The following PTPRT variants were observed in gnomAD, a reference collection of about 807,000 sequenced individuals.
PTPRT encodes the protein receptor-type tyrosine-protein phosphatase T.
A neutral mutation model predicts 176.8 loss-of-function variants in PTPRT; 56 were observed. That is an observed-to-expected ratio of 0.32 (90% CI 0.26 to 0.40). The LOEUF is 0.40. PTPRT is among the 10% of genes least tolerant of loss of function. PTPRT has a pLI of 1.00. For missense variants in PTPRT, 1,540 were observed against 1,908.2 expected, an observed-to-expected ratio of 0.81 and a Z score of 3.60; for synonymous variants, 783 against 739.0, an observed-to-expected ratio of 1.06 and a Z score of -0.96.
chr20:42,054,533 T>C, the PTPRT span, among the ~76,000 whole-genome samples: 1 of 152,198 alleles, frequency 6.6e-6, no homozygotes, highest in Non-Finnish European at 1.5e-5. Flanking sequence ...TGAATTGTGC[T>C]CTCTGGAATC....
At chr20:43,139,476 G>A (rs534233562) in intron 1 of PTPRT, among the ~76,000 whole-genome samples, 20 of 152,276 alleles carry the variant, frequency 1.3e-4, no homozygotes, top group East Asian at 3.9e-4. Flanking sequence ...ATTGCCCATC[G>A]CAGTGTGAAC....
At chr20:42,052,107 G>C in the PTPRT span, among the ~76,000 whole-genome samples, 4 of 152,250 alleles carry the variant, frequency 2.6e-5, no homozygotes, top group African/African-American at 9.6e-5. Flanking sequence ...GGCATACCCT[G>C]TTGGGCACGG....
chr20:43,117,266 G>C (rs781610397), intron 1 of PTPRT, among the ~76,000 whole-genome samples: 1 of 152,140 alleles, frequency 6.6e-6, no homozygotes, highest in Non-Finnish European at 1.5e-5. Context: ...TAAAGGGAGG[G>C]GTGAAGAATT....
intron 15 of PTPRT, among the ~76,000 whole-genome samples, chr20:42,212,170 A>C: frequency 9.4e-6 from 1 of 106,624 alleles, no homozygotes; most frequent in African/African-American, 3.5e-5. Context: ...GGGGGGAGGG[A>C]TAGCATTGGG....
chr20:42,407,803 GA>G (rs768120877), intron 9 of PTPRT, among the ~76,000 whole-genome samples: 1 of 151,970 alleles, frequency 6.6e-6, no homozygotes, highest in Non-Finnish European at 1.5e-5. Flanking sequence ...ATTTATCCAG[GA>G]GCTGATAATT....
At chr20:42,457,200 T>C (rs939653948) in intron 8 of PTPRT, among the ~76,000 whole-genome samples, 5 of 152,158 alleles carry the variant, frequency 3.3e-5, no homozygotes, top group African/African-American at 1.2e-4. Flanking sequence ...TACTTTTCAC[T>C]CCTTAAGCAC....
intron 9 of PTPRT, among the ~76,000 whole-genome samples, chr20:42,404,696 C>T (rs2058942395): frequency 6.6e-6 from 1 of 151,860 alleles, no homozygotes; most frequent in Admixed American, 6.6e-5. Flanking sequence ...TGACAAATTA[C>T]AAGAAAATTT....
At chr20:42,760,685 T>C (rs191195094) in intron 5 of PTPRT, among the ~76,000 whole-genome samples, 3 of 152,320 alleles carry the variant, frequency 2.0e-5, no homozygotes, top group African/African-American at 7.2e-5. Flanking sequence ...CCTCTTAAAG[T>C]CCCTGTCAAA....
Position 42,080,586 on chromosome 20 carries a change from T to G in PTPRT, c.*293A>C. The G allele has an allele frequency of 2.9e-6, 1 of 339,330 alleles. No individual in the cohort carries two copies. Among genetic ancestry groups the G allele is most frequent in the Non-Finnish European group, 5.5e-6 (1 of 182,550 alleles). The allele number at this position is 339,330 out of a possible 1,614,324, so 21.0% of individuals were successfully genotyped here. On this transcript the variant is annotated 3_prime_UTR_variant, in exon 31 of 31. Coordinates refer to ENST00000373187, the MANE Select transcript of PTPRT (RefSeq NM_007050.6). ...AAACTCAGAACAAAAGCAGGTGGTC[T>G]GGGAGCCAGAAATCCAAGGCCTTGC...
At position 42,742,551 on chromosome 20, in the gene PTPRT, A is replaced by G. The variant is rs189823773; in HGVS notation, c.859+13911T>C. On this transcript the variant is annotated intron_variant, in intron 6 of 30. Transcript: ENST00000373187. ...CAAATGTCACAGCAGGAGGGGAAAAAGAGAGGGGGCTTGCATAGGGGAGTT... is the reference window on the plus strand; with the variant it reads ...CAAATGTCACAGCAGGAGGGGAAAAGGAGAGGGGGCTTGCATAGGGGAGTT... Among the ~76,000 whole-genome samples, 308 of 152,254 alleles carry G rather than the reference A, an allele frequency of 2.0e-3. 4 individuals carry two copies. Among genetic ancestry groups the G allele is most frequent in the African/African-American group, 6.8e-3 (283 of 41,556 alleles).
intron 7 of PTPRT, among the ~76,000 whole-genome samples, chr20:42,565,722 G>A (rs2073028225): frequency 6.6e-6 from 1 of 152,130 alleles, no homozygotes; most frequent in Non-Finnish European, 1.5e-5. Flanking sequence ...TGGGTCTGAA[G>A]GCCTTTGGAT....
intron 1 of PTPRT, among the ~76,000 whole-genome samples, chr20:43,033,193 A>T (rs759524238): frequency 4.8e-4 from 73 of 152,292 alleles, no homozygotes; most frequent in Non-Finnish European, 4.7e-4. Context: ...GGACCTAAAG[A>T]ACAAGTCCAG....
intron 18 of PTPRT, among the ~76,000 whole-genome samples, chr20:42,133,257 GA>G (rs1189257516): frequency 6.6e-6 from 1 of 152,112 alleles, no homozygotes; most frequent in Non-Finnish European, 1.5e-5. Flanking sequence ...ATGCATTTTT[GA>G]CTTATGATAT....
rs749647294 is a variant in PTPRT at position 42,448,250 on chromosome 20, A to T, written c.1530T>A (p.Asn510Lys). The T allele has an allele frequency of 6.2e-7, 1 of 1,613,360 alleles. No individual in the cohort carries two copies. The highest frequency in any genetic ancestry group is 8.5e-7 in the Non-Finnish European group (1 of 1,179,374). ...AGAGCGTGATGACCCCATTGGTCTC[A>T]TTGGGAGGTTTCCACTGGATGTAGA... ...EKIYIQWKPPNETNGVITLYE... is the reference protein window; with the variant it reads ...EKIYIQWKPPKETNGVITLYE... Residue 510 changes from asparagine (N) to lysine (K), a missense_variant, in exon 9 of 31, where the codon AAT (asparagine) becomes AAA (lysine). Around this residue, in one of 11 missense-constraint regions of PTPRT, gnomAD observed 136 missense variants for 135.0 expected, o/e 1.01. Transcript: ENST00000373187.
chr20:43,021,911 A>G (rs560655960), intron 1 of PTPRT, among the ~76,000 whole-genome samples: 1 of 152,074 alleles, frequency 6.6e-6, no homozygotes, highest in Non-Finnish European at 1.5e-5. Context: ...GTTGTCACAG[A>G]TGACTCTCCA....
chr20:42,420,333 G>A (rs954070234), intron 9 of PTPRT, among the ~76,000 whole-genome samples: 3 of 152,062 alleles, frequency 2.0e-5, no homozygotes, highest in Admixed American at 6.5e-5. Flanking sequence ...TGCTGAACTC[G>A]TTTTGACTCA....
intron 7 of PTPRT, among the ~76,000 whole-genome samples, chr20:42,577,632 G>C (rs2073284964): frequency 6.6e-6 from 1 of 152,160 alleles, no homozygotes. Context: ...GGCTAACGGT[G>C]ACTGCCTAGA....
chr20:42,634,001 AT>A (rs2074506332), intron 7 of PTPRT, among the ~76,000 whole-genome samples: 1 of 21,910 alleles, frequency 4.6e-5, no homozygotes, highest in Non-Finnish European at 7.1e-5. Flanking sequence ...TATATATATT[AT>A]ATATATATAA....
At chr20:42,386,156 G>T (rs942606608) in intron 9 of PTPRT, among the ~76,000 whole-genome samples, 5 of 152,130 alleles carry the variant, frequency 3.3e-5, no homozygotes, top group African/African-American at 1.2e-4. Flanking sequence ...CAGAAGTTTG[G>T]CACTGTGAGA....
Sources: allele counts gnomAD v4.1 joint callset (sites outside exome capture counted in the v4.1 genomes callset), GRCh38; gene constraint gnomAD v4.1.1; regional missense constraint gnomAD v4.1.1; transcripts MANE v1.5; gene names NCBI Gene and HGNC (gene_info 2026-07-23, HGNC 2026-07-21).